ERP44: variants seen among roughly 807,000 people sequenced by gnomAD.
The protein encoded by ERP44 is endoplasmic reticulum protein 44, also known as endoplasmic reticulum resident protein 44.
Under a neutral mutation model 53.4 loss-of-function variants are expected in ERP44, and 25 were observed. The ratio of observed to expected loss-of-function variants is 0.47; its 90% confidence interval spans 0.34 to 0.65. ERP44 has a LOEUF of 0.65. ERP44 is among the 30% of genes least tolerant of loss of function. The pLI is 0.01. For missense variants in ERP44, 338 were observed against 493.2 expected, an observed-to-expected ratio of 0.69 and a Z score of 2.98; for synonymous variants, 145 against 161.2, an observed-to-expected ratio of 0.90 and a Z score of 0.76.
At chr9:100,044,231 T>C (rs1267581502) in intron 4 of ERP44, among the ~76,000 whole-genome samples, 1 of 152,166 alleles carries the variant, frequency 6.6e-6, no homozygotes, top group Non-Finnish European at 1.5e-5. Flanking sequence ...ATCCATCTGT[T>C]CAACAATTAC....
At chr9:99,983,740 A>G (rs994453626) in intron 11 of ERP44, among the ~76,000 whole-genome samples, 1 of 152,166 alleles carries the variant, frequency 6.6e-6, no homozygotes, top group Non-Finnish European at 1.5e-5. Flanking sequence ...CAATGTGTCT[A>G]CAAACTTATC....
chr9:100,098,644 G>T, intron 1 of ERP44, 140 bp downstream of exon 1: 1 of 647,110 alleles, frequency 1.5e-6, no homozygotes, highest in Non-Finnish European at 2.6e-6. Flanking sequence ...AGGCGAGAGT[G>T]AGGGCAGCGG....
At chr9:100,068,880 C>T (rs1358258527) in intron 1 of ERP44, among the ~76,000 whole-genome samples, 4 of 152,232 alleles carry the variant, frequency 2.6e-5, no homozygotes, top group Admixed American at 1.3e-4. Context: ...ATTGAGAAAA[C>T]GGATGGTTGC....
intron 1 of ERP44, among the ~76,000 whole-genome samples, chr9:100,065,159 C>T (rs1372615533): frequency 1.3e-5 from 2 of 152,188 alleles, no homozygotes; most frequent in Non-Finnish European, 2.9e-5. Context: ...GTGCCCTATA[C>T]ATGTGTATAA....
chr9:100,011,941 C>T lies in ERP44; in HGVS notation c.763-4252G>A, dbSNP rs149220630. ...CATTATTCTTACCGCTGCAGCATCC[C>T]TAATCTAAAACTCTGAAATGCTCCA... On this transcript the variant is annotated intron_variant, in intron 8 of 11. Transcript: ENST00000262455. Among the ~76,000 whole-genome samples the T allele has an allele frequency of 1.3e-3, 200 of 152,228 alleles. 3 individuals are homozygous for T. The highest frequency in any genetic ancestry group is 2.4e-3 in the Non-Finnish European group (165 of 67,994).
At chr9:99,991,482 G>A (rs1419857184) in intron 10 of ERP44, among the ~76,000 whole-genome samples, 1 of 151,354 alleles carries the variant, frequency 6.6e-6, no homozygotes, top group Non-Finnish European at 1.5e-5. Context: ...AACAAAGACA[G>A]TGTACCAGGG....
intron 10 of ERP44, chr9:99,998,412 G>T: frequency 1.6e-6 from 1 of 640,556 alleles, no homozygotes; most frequent in Non-Finnish European, 2.9e-6. Context: ...AAGGCCGGCC[G>T]GTCCTCGTTT....
At chr9:100,009,452 C>T (rs546663179) in intron 8 of ERP44, among the ~76,000 whole-genome samples, 7 of 152,208 alleles carry the variant, frequency 4.6e-5, no homozygotes, top group East Asian at 1.9e-4. Context: ...ACCACATACC[C>T]ATTAGTAGTG....
intron 1 of ERP44, among the ~76,000 whole-genome samples, chr9:100,082,387 AATATAT>A (rs61185937): frequency 1.9e-4 from 28 of 149,026 alleles, no homozygotes; most frequent in African/African-American, 6.1e-4. Flanking sequence ...TATAAAAAAT[AATATAT>A]ATATATATAT....
chr9:99,985,410 A>T (rs549951693), intron 10 of ERP44, among the ~76,000 whole-genome samples: 1 of 152,256 alleles, frequency 6.6e-6, no homozygotes, highest in Non-Finnish European at 1.5e-5. Context: ...ACTAAAAAAA[A>T]ACTTTGTTCT....
intron 10 of ERP44, chr9:99,998,624 T>C: frequency 1.3e-6 from 1 of 763,378 alleles, no homozygotes. Context: ...TTCAGATTCT[T>C]TTTCTTGAGA....
At chr9:100,053,032 C>T (rs1826054381) in intron 3 of ERP44, among the ~76,000 whole-genome samples, 1 of 152,096 alleles carries the variant, frequency 6.6e-6, no homozygotes, top group South Asian at 2.1e-4. Flanking sequence ...ATCCTCCCAC[C>T]TCAAAATAAT....
intron 1 of ERP44, among the ~76,000 whole-genome samples, chr9:100,064,211 G>C (rs1417193463): frequency 6.6e-6 from 1 of 152,288 alleles, no homozygotes; most frequent in South Asian, 2.1e-4. Flanking sequence ...GGAGTACCTT[G>C]AAAGTAGAGA....
intron 4 of ERP44, among the ~76,000 whole-genome samples, chr9:100,041,597 G>A (rs1214363061): frequency 6.6e-6 from 1 of 152,136 alleles, no homozygotes; most frequent in African/African-American, 2.4e-5. Context: ...GAACCTGGGA[G>A]GTGGAGGTTG....
chr9:100,018,321 A>G lies in ERP44; in HGVS notation c.588-8T>C, dbSNP rs1428023734. On this transcript the variant is annotated splice_polypyrimidine_tract_variant and splice_region_variant and intron_variant, in intron 6 of 11. Coordinates refer to ENST00000262455, the MANE Select transcript of ERP44 (RefSeq NM_015051.3). ...TCCGGTTTTGAAACATCCCTATAGG[A>G]AGGGAGAAATAGTAATAAACCTGAA... is the stretch of plus-strand genomic sequence containing the variant. The G allele has an allele frequency of 1.3e-6, 2 of 1,575,184 alleles. No individual in the cohort carries two copies. The highest frequency in any genetic ancestry group is 3.3e-5 in the Admixed American group (2 of 59,946).
intron 4 of ERP44, among the ~76,000 whole-genome samples, chr9:100,043,793 A>G (rs1219620525): frequency 2.0e-5 from 3 of 152,120 alleles, no homozygotes; most frequent in Non-Finnish European, 1.5e-5. Context: ...CCATAAAAAT[A>G]TACACCCTAC....
rs1190955124 is a variant in ERP44, at chr9:99,981,307, T to C, written c.*1305A>G. On this transcript the variant is annotated 3_prime_UTR_variant, in exon 12 of 12. Transcript: ENST00000262455. ...AGCTGGTTTTTAAAAATAACAATCA[T>C]TAAATATCCATTATAAATATTAATT... is the stretch of plus-strand genomic sequence containing the variant. 1 of 152,514 alleles carries C rather than the reference T, an allele frequency of 6.6e-6. No homozygotes were observed. The highest frequency in any genetic ancestry group is 1.5e-5 in the Non-Finnish European group (1 of 68,036). The allele number at this position is 152,514 out of a possible 1,614,324, so 9.4% of individuals were successfully genotyped here. A position where few individuals can be genotyped will look rare whatever the true frequency, so the allele number is the denominator to read the frequency against.
At chr9:100,045,748 G>C (rs1275761290) in intron 4 of ERP44, among the ~76,000 whole-genome samples, 1 of 152,110 alleles carries the variant, frequency 6.6e-6, no homozygotes, top group Non-Finnish European at 1.5e-5. Context: ...ACAGGTGATT[G>C]ATACAAACAA....
intron 1 of ERP44, among the ~76,000 whole-genome samples, chr9:100,063,092 A>AAAG (rs773290883): frequency 1.4e-5 from 2 of 145,230 alleles, no homozygotes; most frequent in African/African-American, 2.6e-5. Context: ...AAAAAAAAAA[A>AAAG]AGAGAGAGAG....
Sources: gnomAD v4.1 joint callset for allele counts (sites outside exome capture counted in the v4.1 genomes callset) on GRCh38, gnomAD v4.1.1 for gene constraint, MANE v1.5 for transcripts, NCBI Gene and HGNC (gene_info 2026-07-23, HGNC 2026-07-21) for gene names.